TVP23C: variants seen among roughly 807,000 people sequenced by gnomAD.
TVP23C encodes trans-golgi network vesicle protein 23 homolog C.
Under a neutral mutation model 28.7 loss-of-function variants are expected in TVP23C, and 19 were observed. That is an observed-to-expected ratio of 0.66 (90% CI 0.46 to 0.97). TVP23C has a LOEUF of 0.97. Among genes scored for constraint, TVP23C ranks in the 50% least tolerant of loss-of-function variants. The pLI is 0.00. For missense variants in TVP23C, 186 were observed against 241.3 expected, an observed-to-expected ratio of 0.77 and a Z score of 1.52; for synonymous variants, 68 against 81.7, an observed-to-expected ratio of 0.83 and a Z score of 0.90.
At chr17:15,542,429 G>C (rs897980736) in intron 5 of TVP23C, among the ~76,000 whole-genome samples, 1 of 152,060 alleles carries the variant, frequency 6.6e-6, no homozygotes, top group South Asian at 2.1e-4. Context: ...GCCCATTCCC[G>C]TCCTGTGGTC....
At chr17:15,504,608 G>A (rs1486853294) in intron 5 of TVP23C, among the ~76,000 whole-genome samples, 22 of 152,068 alleles carry the variant, frequency 1.4e-4, no homozygotes, top group Non-Finnish European at 3.2e-4. Context: ...TTTGGCCCAG[G>A]CTAGAGTGCA....
At chr17:15,549,110 T>C (rs896425216) in intron 3 of TVP23C, among the ~76,000 whole-genome samples, 9 of 152,220 alleles carry the variant, frequency 5.9e-5, no homozygotes, top group Non-Finnish European at 8.8e-5. Context: ...CTTATGTATT[T>C]TATATATGTG....
intron 5 of TVP23C, among the ~76,000 whole-genome samples, chr17:15,510,925 G>A (rs1981971433): frequency 6.6e-6 from 1 of 151,824 alleles, no homozygotes; most frequent in South Asian, 2.1e-4. Flanking sequence ...GTGGTGGCAG[G>A]TGCCTGTAAT....
Position 15,553,768 on chromosome 17 carries a change from G to T in TVP23C, c.157C>A (p.Leu53Ile). The T allele has an allele frequency of 6.2e-7, 1 of 1,613,954 alleles. No individual in the cohort carries two copies. Residue 53 changes from leucine to isoleucine, a missense_variant, in exon 3 of 6, where the codon CTC becomes ATC. Coordinates refer to ENST00000518321, the MANE Select transcript of TVP23C (RefSeq NM_001135036.2). The part of the protein sequence containing the change: ...FRVSAIIVCL[L>I]CELLSSSFIT... ...AAGCTGCTGCTGAGCAACTCACAGA[G>T]AAGACAGACGATGATTGCACTGACT...
chr17:15,502,630 G>T (rs1357019625), exon 6 of TVP23C: 4 of 631,686 alleles, frequency 6.3e-6, no homozygotes, highest in Non-Finnish European at 9.5e-6. Context: ...CAGGAAAGCG[G>T]ACGCTTGCAG....
intron 5 of TVP23C, among the ~76,000 whole-genome samples, chr17:15,514,297 A>G (rs1567631413): frequency 6.7e-6 from 1 of 149,532 alleles, no homozygotes; most frequent in Non-Finnish European, 1.5e-5. Flanking sequence ...GGACACTTCA[A>G]AAGAACAGGA....
chr17:15,509,375 G>T (rs145769380), intron 5 of TVP23C, among the ~76,000 whole-genome samples: 1 of 152,358 alleles, frequency 6.6e-6, no homozygotes, highest in Non-Finnish European at 1.5e-5. Context: ...GAGGCCTGGA[G>T]CAGCTGCTGG....
chr17:15,514,727 GC>G (rs1397549067), intron 5 of TVP23C, among the ~76,000 whole-genome samples: 2 of 152,074 alleles, frequency 1.3e-5, no homozygotes, highest in Non-Finnish European at 2.9e-5. Context: ...ACAAAATCTT[GC>G]CATGTCAAAA....
At chr17:15,555,654 GTCC>G (rs1281750472) in intron 1 of TVP23C, among the ~76,000 whole-genome samples, 1 of 152,056 alleles carries the variant, frequency 6.6e-6, no homozygotes, top group East Asian at 1.9e-4. Flanking sequence ...CTTAACACCT[GTCC>G]TCCTCACCTG....
At chr17:15,533,760 C>T (rs560541062), downstream of TVP23C, among the ~76,000 whole-genome samples, 1 of 152,176 alleles carries the variant, frequency 6.6e-6, no homozygotes, top group Non-Finnish European at 1.5e-5. Flanking sequence ...TCAAGAAGGG[C>T]TCCATGAATC....
intron 5 of TVP23C, among the ~76,000 whole-genome samples, chr17:15,527,982 G>C (rs1982796557): frequency 6.6e-6 from 1 of 152,204 alleles, no homozygotes; most frequent in Admixed American, 6.5e-5. Flanking sequence ...TGCTTTTTCA[G>C]TAAACATTAG....
At chr17:15,530,117 T>C (rs1436251956) in intron 5 of TVP23C, among the ~76,000 whole-genome samples, 1 of 152,210 alleles carries the variant, frequency 6.6e-6, no homozygotes, top group Non-Finnish European at 1.5e-5. Context: ...GTCTTTTGAC[T>C]GAATTATTTA....
Position 15,529,020 on chromosome 17 carries a change from TCTTTAC to T in TVP23C, c.462+16759_462+16764del, listed in dbSNP as rs1408681055. Reference sequence around the variant, plus strand: ...GCCACTATTGTTAGATTTTCTGACTTCTTTACCTTTAACTAGCAAAGCAACTCAGTT... The same window carrying T: ...GCCACTATTGTTAGATTTTCTGACTTCTTTAACTAGCAAAGCAACTCAGTT... On this transcript the variant is annotated intron_variant, in intron 5 of 5. Coordinates refer to the TVP23C transcript ENST00000225576. Among the ~76,000 whole-genome samples the T allele has an allele frequency of 3.3e-5, 5 of 152,198 alleles. No individual in the cohort carries two copies. In the East Asian group the frequency reaches 7.7e-4, roughly 23 times the overall value.
rs117514038 is a variant in TVP23C at position 15,522,113 on chromosome 17, T to C, written c.463-18881A>G. Among the ~76,000 whole-genome samples the C allele has an allele frequency of 1.5e-3, 229 of 152,206 alleles. 8 individuals carry two copies. The East Asian group carries it at 0.042, about 28-fold the overall frequency. On this transcript the variant is annotated intron_variant, in intron 5 of 5. Transcript: ENST00000225576. ...GCACAGGCAGGAAGGAAAGAAAGAA[T>C]TGTGAGCAAATAATACAAATTACTA...
downstream of TVP23C, among the ~76,000 whole-genome samples, chr17:15,534,277 T>C (rs940393942): frequency 6.6e-6 from 1 of 152,128 alleles, no homozygotes; most frequent in African/African-American, 2.4e-5. Context: ...TCACATTTCA[T>C]TGGCCATTGT....
chr17:15,508,988 A>G (rs1981890012), intron 5 of TVP23C, among the ~76,000 whole-genome samples: 1 of 152,088 alleles, frequency 6.6e-6, no homozygotes, highest in South Asian at 2.1e-4. Flanking sequence ...TTTAACTTCT[A>G]TTTTGGGGTA....
chr17:15,532,984 A>T (rs1304641745), downstream of TVP23C, among the ~76,000 whole-genome samples: 1 of 152,210 alleles, frequency 6.6e-6, no homozygotes, highest in East Asian at 1.9e-4. Flanking sequence ...TTAGAACACC[A>T]GAGTTCAAGT....
In TVP23C at chr17:15,540,341, A is replaced by C. The variant is rs1983357933; in HGVS notation, c.*71T>G. The C allele has an allele frequency of 5.9e-5, 84 of 1,427,050 alleles. No individual in the cohort carries two copies. In the South Asian group the frequency reaches 1.1e-3, roughly 19 times the overall value. 88.4% of individuals were successfully genotyped at this position (1,427,050 alleles called of 1,614,324 possible). On this transcript the variant is annotated 3_prime_UTR_variant, in exon 6 of 6. Coordinates refer to ENST00000518321, the MANE Select transcript of TVP23C (RefSeq NM_001135036.2). ...TATATTTATACAACTATATGCCTTT[A>C]AAACTTCTGTTCAGGAGCGTTTCAT...
At chr17:15,519,289 C>T (rs1405181863) in intron 5 of TVP23C, among the ~76,000 whole-genome samples, 1 of 152,106 alleles carries the variant, frequency 6.6e-6, no homozygotes, top group Non-Finnish European at 1.5e-5. Context: ...AGAAAAGACA[C>T]ACAGAGGTGA....
Sources: allele counts gnomAD v4.1 joint callset (sites outside exome capture counted in the v4.1 genomes callset), GRCh38; gene constraint gnomAD v4.1.1; transcripts MANE v1.5; gene names NCBI Gene and HGNC (gene_info 2026-07-23, HGNC 2026-07-21).